The following MAP4K5 variants were observed in gnomAD, a reference collection of about 807,000 sequenced individuals.
MAP4K5 encodes the protein mitogen-activated protein kinase kinase kinase kinase 5.
Under a neutral mutation model 135.6 loss-of-function variants are expected in MAP4K5, and 82 were observed. The ratio of observed to expected loss-of-function variants is 0.60; its 90% CI spans 0.51 to 0.73. The LOEUF is 0.73. MAP4K5 is among the 30% of genes least tolerant of loss of function. The pLI is 0.00. For synonymous variants in MAP4K5, 347 were observed against 335.0 expected (o/e 1.04, Z -0.39); for missense variants, 907 against 1,010.9 (o/e 0.90, Z 1.39).
intron 3 of MAP4K5, among the ~76,000 whole-genome samples, chr14:50,496,962 A>G (rs535459239): frequency 1.5e-4 from 23 of 152,362 alleles, no homozygotes; most frequent in Admixed American, 1.5e-3. Context: ...TTGCAATGGC[A>G]AAAGTTTTCT....
At chr14:50,507,257 A>G (rs2037830145) in intron 2 of MAP4K5, among the ~76,000 whole-genome samples, 1 of 152,228 alleles carries the variant, frequency 6.6e-6, no homozygotes, top group Admixed American at 6.5e-5. Flanking sequence ...GCCAGGGGTG[A>G]GTCAAGAGTT....
Position 50,440,380 on chromosome 14 carries a change from ATGTAGCTCAT to A in MAP4K5, c.1616_1625del (p.Asn539MetfsTer23). 6.2e-7 allele frequency: 1 copy of A among 1,601,764 alleles called. No homozygotes were observed. Among genetic ancestry groups the A allele is most frequent in the Non-Finnish European group, 8.5e-7 (1 of 1,171,120 alleles). On this transcript the variant is annotated frameshift_variant, in exon 22 of 33. Transcript: ENST00000682126. LOFTEE classifies it high-confidence loss of function. ...TAATTACCTGTTCCATCGTTGCCTC[ATGTAGCTCAT>A]TGAGATTCAGTGTGTAAATACCATC...
intron 32 of MAP4K5, among the ~76,000 whole-genome samples, chr14:50,420,597 A>G (rs2035705422): frequency 6.6e-6 from 1 of 152,230 alleles, no homozygotes; most frequent in African/African-American, 2.4e-5. Flanking sequence ...GTGCCACTGC[A>G]CTTCAGCCTG....
intron 1 of MAP4K5, among the ~76,000 whole-genome samples, chr14:50,548,213 G>A (rs961038597): frequency 2.6e-5 from 4 of 152,286 alleles, no homozygotes; most frequent in East Asian, 1.9e-4. Context: ...AGACAGTAAA[G>A]CAACTGTAGG....
intron 2 of MAP4K5, among the ~76,000 whole-genome samples, chr14:50,524,039 T>C (rs569252813): frequency 1.3e-5 from 2 of 152,336 alleles, no homozygotes; most frequent in African/African-American, 4.8e-5. Context: ...CCTATGTTTT[T>C]TCCTTTTATC....
At chr14:50,546,224 GATTACCT>G (rs1260936327) in intron 1 of MAP4K5, among the ~76,000 whole-genome samples, 1 of 152,158 alleles carries the variant, frequency 6.6e-6, no homozygotes, top group Non-Finnish European at 1.5e-5. Context: ...GCCTTCACTG[GATTACCT>G]ATTAGGCAAA....
chr14:50,447,839 G>T (rs1461752315), intron 15 of MAP4K5, among the ~76,000 whole-genome samples: 1 of 152,094 alleles, frequency 6.6e-6, no homozygotes, highest in Non-Finnish European at 1.5e-5. Flanking sequence ...AAACTGTCAT[G>T]AATTTACTGG....
Position 50,485,458 on chromosome 14 carries a change from G to A in MAP4K5, c.322+120C>T, listed in dbSNP as rs111971825. 52 of 647,122 alleles carry A rather than the reference G, an allele frequency of 8.0e-5. 1 individual carries two copies. Among genetic ancestry groups the A allele is most frequent in the African/African-American group, 5.4e-4 (29 of 53,930 alleles). The allele number at this position is 647,122 out of a possible 1,614,324, so 40.1% of individuals were successfully genotyped here. On this transcript the variant is annotated intron_variant, in intron 5 of 32. Transcript: ENST00000682126. ...ACAGATTTCTGTTATGCAGTGCTCC[G>A]GGAACAGAAGAATGCAAAATAGTAA...
At chr14:50,544,932 C>A (rs1276088166) in intron 1 of MAP4K5, among the ~76,000 whole-genome samples, 1 of 102,702 alleles carries the variant, frequency 9.7e-6, no homozygotes, top group East Asian at 3.2e-4. Flanking sequence ...GTGAGACCCA[C>A]TCTCAAAAAA....
chr14:50,453,801 C>T (rs1388712588), intron 14 of MAP4K5, among the ~76,000 whole-genome samples: 1 of 152,090 alleles, frequency 6.6e-6, no homozygotes, highest in African/African-American at 2.4e-5. Flanking sequence ...TTCCAAAATC[C>T]TGTATTTCTT....
chr14:50,552,768 A>T (rs1028873196), intron 1 of MAP4K5, among the ~76,000 whole-genome samples: 3 of 152,236 alleles, frequency 2.0e-5, no homozygotes, highest in Non-Finnish European at 2.9e-5. Context: ...TGGGGAAAGG[A>T]TACCCTATTC....
At chr14:50,512,741 A>G (rs556954729) in intron 2 of MAP4K5, among the ~76,000 whole-genome samples, 8 of 152,288 alleles carry the variant, frequency 5.3e-5, no homozygotes, top group African/African-American at 1.9e-4. Context: ...TCAATTTACT[A>G]AAGAGATCTT....
intron 3 of MAP4K5, among the ~76,000 whole-genome samples, chr14:50,492,428 C>CA (rs138426858): frequency 0.017 from 2,610 of 151,236 alleles, 73 homozygotes; most frequent in African/African-American, 0.057. Context: ...TCTGTCTCCA[C>CA]AAAAAAAACA....
In MAP4K5 at chr14:50,542,006, CAAAAAAAAAAAAAAAAAAAAAAA is replaced by C. The variant is rs59075218; in HGVS notation, c.-94+470_-94+492del. On this transcript the variant is annotated intron_variant, in intron 2 of 8. Transcript: ENST00000555216. ...TGGGCGACAGAGCGAGATTCCGTCT[CAAAAAAAAAAAAAAAAAAAAAAA>C]AAAAAAAAAAAAAAAAAAAGAATAT... Among the ~76,000 whole-genome samples, 134 of 62,472 alleles carry C rather than the reference CAAAAAAAAAAAAAAAAAAAAAAA, an allele frequency of 2.1e-3. 2 individuals are homozygous for C. Among genetic ancestry groups the C allele is most frequent in the African/African-American group, 9.1e-3 (115 of 12,624 alleles). 41.0% of individuals were successfully genotyped at this position (62,472 alleles called of 152,430 possible).
At chr14:50,525,838 T>C (rs1302883954) in intron 2 of MAP4K5, among the ~76,000 whole-genome samples, 3 of 152,126 alleles carry the variant, frequency 2.0e-5, no homozygotes, top group Non-Finnish European at 4.4e-5. Flanking sequence ...AGTAAGACCC[T>C]GTCTCAAAAA....
At chr14:50,442,906 T>A in intron 20 of MAP4K5, 90 bp from the exon 21 acceptor site, 1 of 716,662 alleles carries the variant, frequency 1.4e-6, no homozygotes, top group Non-Finnish European at 2.3e-6. Flanking sequence ...AATACCAAAT[T>A]AACTCTTATT....
chr14:50,466,597 CT>C lies in MAP4K5; in HGVS notation c.722del (p.Lys241ArgfsTer16). On this transcript the variant is annotated frameshift_variant, in exon 11 of 33. Transcript: ENST00000682126. LOFTEE classifies it high-confidence loss of function. ...CTTTAACTCACCATTTTGTTTTGTC[CT>C]TTAGTTTTGGAGGCTGAAAATTACT... Reference protein sequence around the residue: ...SKSNFQPPKLKDKTKWSSTFH... With the variant: ...SKSNFQPPKLXDKTKWSSTFH... The C allele has an allele frequency of 6.9e-7, 1 of 1,454,126 alleles. No individual in the cohort carries two copies. The highest frequency in any genetic ancestry group is 9.4e-7 in the Non-Finnish European group (1 of 1,059,656). The allele number at this position is 1,454,126 out of a possible 1,614,324, so 90.1% of individuals were successfully genotyped here. A position where few individuals can be genotyped will look rare whatever the true frequency, so the allele number is the denominator to read the frequency against.
chr14:50,534,202 G>A (rs901200696), upstream of MAP4K5, among the ~76,000 whole-genome samples: 3 of 152,028 alleles, frequency 2.0e-5, no homozygotes, highest in Admixed American at 6.6e-5. Context: ...TTACACTTGC[G>A]TTACTCCAGG....
chr14:50,545,076 C>T lies in MAP4K5; in HGVS notation c.-179-2492G>A, dbSNP rs561326732. The stretch of plus-strand genomic sequence containing the variant: ...AAGGCCATGATGTCCAGCCAAGGAA[C>T]AGGTGTTTCTGAGAACCCAAACATC... On this transcript the variant is annotated intron_variant, in intron 1 of 8. Coordinates refer to the MAP4K5 transcript ENST00000555216. Among the ~76,000 whole-genome samples the T allele has an allele frequency of 1.4e-4, 22 of 151,832 alleles. 1 individual carries two copies. The highest frequency in any genetic ancestry group is 1.2e-3 in the Admixed American group (19 of 15,262).
Sources: gnomAD v4.1 joint callset for allele counts (sites outside exome capture counted in the v4.1 genomes callset) on GRCh38, gnomAD v4.1.1 for gene constraint, MANE v1.5 for transcripts, NCBI Gene and HGNC (gene_info 2026-07-23, HGNC 2026-07-21) for gene names.